CAMTA1: variants seen among roughly 807,000 people sequenced by gnomAD.
CAMTA1 encodes the protein calmodulin-binding transcription activator 1.
A neutral mutation model predicts 170.9 loss-of-function variants in CAMTA1; 27 were observed. That is an observed-to-expected ratio of 0.16 (90% confidence interval 0.12 to 0.22). The LOEUF (loss-of-function observed/expected upper bound fraction) is 0.22. CAMTA1 is among the 10% of genes least tolerant of loss of function. The pLI is 1.00. For missense variants in CAMTA1, 1,619 were observed against 2,217.2 expected (o/e 0.73, Z 5.42); for synonymous variants, 833 against 891.5 (o/e 0.93, Z 1.17).
chr1:7,392,193 G>A (rs1202181763), intron 5 of CAMTA1, among the ~76,000 whole-genome samples: 2 of 151,766 alleles, frequency 1.3e-5, no homozygotes. Context: ...GGAGGCCAAG[G>A]TGAGAGGATT....
At chr1:7,552,493 C>T (rs979271091) in intron 6 of CAMTA1, among the ~76,000 whole-genome samples, 5 of 152,216 alleles carry the variant, frequency 3.3e-5, no homozygotes, top group African/African-American at 9.7e-5. Context: ...CCTGTGTGTG[C>T]GCCTGACACA....
intron 6 of CAMTA1, among the ~76,000 whole-genome samples, chr1:7,569,851 C>G (rs1052103414): frequency 7.2e-5 from 11 of 152,140 alleles, no homozygotes; most frequent in Non-Finnish European, 1.3e-4. Flanking sequence ...CACCCAGGTG[C>G]AGACAGTGTG....
At chr1:7,350,168 C>T (rs186245517) in intron 5 of CAMTA1, among the ~76,000 whole-genome samples, 2 of 152,266 alleles carry the variant, frequency 1.3e-5, no homozygotes, top group African/African-American at 2.4e-5. Flanking sequence ...TTGTTCTCCC[C>T]CACTATCCCA....
chr1:7,691,350 G>A (rs991248377), intron 11 of CAMTA1, among the ~76,000 whole-genome samples: 1 of 152,194 alleles, frequency 6.6e-6, no homozygotes, highest in African/African-American at 2.4e-5. Context: ...CCAGGGCTGT[G>A]TGTGCCAGGC....
At chr1:7,061,794 G>A (rs952427226) in intron 3 of CAMTA1, among the ~76,000 whole-genome samples, 4 of 152,186 alleles carry the variant, frequency 2.6e-5, no homozygotes, top group Middle Eastern at 3.4e-3. Context: ...AGAGCAGGGG[G>A]TGGCGCTGGC....
At chr1:7,310,662 T>TCTTC (rs1676441476) in intron 5 of CAMTA1, among the ~76,000 whole-genome samples, 7 of 60,538 alleles carry the variant, frequency 1.2e-4, no homozygotes, top group Non-Finnish European at 1.8e-4. Context: ...TTTCTTTCTT[T>TCTTC]CTTTCTTTCC....
At chr1:7,273,830 T>C (rs188560349) in intron 5 of CAMTA1, among the ~76,000 whole-genome samples, 1 of 152,264 alleles carries the variant, frequency 6.6e-6, no homozygotes. Flanking sequence ...ACAACAATGA[T>C]ACAAAGGAAA....
intron 4 of CAMTA1, among the ~76,000 whole-genome samples, chr1:7,103,691 T>TA (rs1643117622): frequency 7.3e-6 from 1 of 136,258 alleles, no homozygotes; most frequent in Non-Finnish European, 1.5e-5. Flanking sequence ...ACACAACAGA[T>TA]ACAACTACAC....
chr1:7,737,106 T>C (rs1174655951), intron 14 of CAMTA1, 97 bp downstream of exon 14: 23 of 1,319,112 alleles, frequency 1.7e-5, no homozygotes, highest in Non-Finnish European at 2.5e-5. Flanking sequence ...ACACATGGCA[T>C]GTTTCGGAGA....
chr1:7,613,345 C>G (rs2095536469), intron 6 of CAMTA1, among the ~76,000 whole-genome samples: 1 of 152,138 alleles, frequency 6.6e-6, no homozygotes, highest in African/African-American at 2.4e-5. Flanking sequence ...GATGGACAGA[C>G]AAGTAGGGAG....
intron 5 of CAMTA1, among the ~76,000 whole-genome samples, chr1:7,264,422 C>T (rs1668609086): frequency 6.6e-6 from 1 of 152,282 alleles, no homozygotes; most frequent in East Asian, 1.9e-4. Flanking sequence ...CCTTCTGGCG[C>T]AGGAGTTGTG....
In CAMTA1 at chr1:7,649,991, C is replaced by T. The variant is rs113908387; in HGVS notation, c.664+9438C>T. Among the ~76,000 whole-genome samples, 1,099 of 152,344 alleles carry T rather than the reference C, an allele frequency of 7.2e-3. 6 individuals are homozygous for T. The highest frequency in any genetic ancestry group is 0.025 in the African/African-American group (1,048 of 41,582). On this transcript the variant is annotated intron_variant, in intron 7 of 22. Coordinates refer to ENST00000303635, the MANE Select transcript of CAMTA1 (RefSeq NM_015215.4). ...CAGGTAGTTGGGAGCTCAGAGGCGG[C>T]TGCTCTGTGGACCGAGCCTGGCTTC...
At chr1:7,090,539 T>C (rs1417738951) in intron 3 of CAMTA1, among the ~76,000 whole-genome samples, 2 of 152,250 alleles carry the variant, frequency 1.3e-5, no homozygotes, top group Non-Finnish European at 2.9e-5. Flanking sequence ...TAATGGGCCA[T>C]ATCATGCCTC....
chr1:7,717,736 TAAAA>T (rs1006565674), intron 11 of CAMTA1, among the ~76,000 whole-genome samples: 2 of 151,462 alleles, frequency 1.3e-5, no homozygotes, highest in African/African-American at 4.9e-5. Flanking sequence ...TAAAAAAAAA[TAAAA>T]AAATAAAAAC....
intron 4 of CAMTA1, among the ~76,000 whole-genome samples, chr1:7,187,774 A>G (rs2148926337): frequency 6.6e-6 from 1 of 151,916 alleles, no homozygotes; most frequent in East Asian, 1.9e-4. Flanking sequence ...CCTCCATCCC[A>G]TTAGAGTGGG....
rs2096785740 is a variant in CAMTA1 at position 7,738,328 on chromosome 1, G to C, written c.4028G>C (p.Ser1343Thr). Residue 1343 changes from serine (S) to threonine (T), a missense_variant, in exon 16 of 23, where the codon AGT becomes ACT. This residue lies in a region of CAMTA1 where 370 missense variants were observed against 429.4 expected (regional missense o/e 0.86). Transcript: ENST00000303635. This position sits in a 1 kb window ranked among gnomAD's most constrained non-coding sequence, Gnocchi z 4.9. ...GTGACTGGAAATCCGAAGGGGACCA[G>C]TGTAGGAAAGGAGGCAGCACCTTCA... ...VQVTGNPKGT[S>T]VGKEAAPSQV... 1 of 1,614,114 alleles carries C rather than the reference G, an allele frequency of 6.2e-7. No individual in the cohort carries two copies. The highest frequency in any genetic ancestry group is 1.1e-5 in the South Asian group (1 of 91,094).
chr1:7,235,555 A>G (rs1663664359), intron 4 of CAMTA1, among the ~76,000 whole-genome samples: 1 of 152,216 alleles, frequency 6.6e-6, no homozygotes, highest in Non-Finnish European at 1.5e-5. Flanking sequence ...TGAGCCCAAG[A>G]GGCGGAGGTT....
intron 4 of CAMTA1, among the ~76,000 whole-genome samples, chr1:7,177,965 AC>A (rs1275013066): frequency 1.3e-5 from 2 of 150,654 alleles, no homozygotes; most frequent in Non-Finnish European, 1.5e-5. Context: ...CCTCCCACAC[AC>A]TGAACCCCCT....
intron 6 of CAMTA1, among the ~76,000 whole-genome samples, chr1:7,525,677 G>C (rs1049265872): frequency 1.3e-5 from 2 of 151,970 alleles, no homozygotes; most frequent in East Asian, 1.9e-4. Context: ...CAAGAGATAC[G>C]GGGTGATTTC....
Sources: gnomAD v4.1 joint callset for allele counts (sites outside exome capture counted in the v4.1 genomes callset) on GRCh38, gnomAD v4.1.1 for gene constraint, gnomAD v4.1.1 regional missense constraint, Gnocchi (gnomAD v3.1) non-coding constraint, MANE v1.5 for transcripts, NCBI Gene and HGNC (gene_info 2026-07-23, HGNC 2026-07-21) for gene names.